CNTN3: variants seen among roughly 807,000 people sequenced by gnomAD.
CNTN3 encodes contactin 3, also known as contactin-3.
CNTN3 carries 60 observed loss-of-function variants against 119.1 expected under a neutral mutation model. The observed-to-expected ratio is 0.50, with a 90% CI of 0.41 to 0.62. The LOEUF (loss-of-function observed/expected upper bound fraction) is 0.62, where lower values mean the gene tolerates loss of function less well. Ranked by LOEUF, CNTN3 falls within the 20% of genes least tolerant of loss-of-function variation. The pLI is 0.00. For missense variants in CNTN3, 1,101 were observed against 1,242.4 expected (o/e 0.89, Z 1.71); for synonymous variants, 450 against 438.7 (o/e 1.03, Z -0.32).
At chr3:74,313,883 A>G (rs954216354) in intron 13 of CNTN3, among the ~76,000 whole-genome samples, 2 of 152,190 alleles carry the variant, frequency 1.3e-5, no homozygotes, top group African/African-American at 4.8e-5. Flanking sequence ...GGCTGCATTA[A>G]TGGGGATTAT....
chr3:74,295,979 A>G (rs763678080), intron 18 of CNTN3, among the ~76,000 whole-genome samples: 1 of 152,062 alleles, frequency 6.6e-6, no homozygotes, highest in East Asian at 1.9e-4. Flanking sequence ...TCTCCTGAGA[A>G]TTTGAAACTT....
chr3:74,401,259 A>AT (rs1334397639), intron 5 of CNTN3, among the ~76,000 whole-genome samples: 3 of 152,184 alleles, frequency 2.0e-5, no homozygotes, highest in Non-Finnish European at 2.9e-5. Context: ...ACAAGATGAG[A>AT]TTTTTTAACC....
chr3:74,393,488 C>T (rs1340284159), intron 5 of CNTN3, among the ~76,000 whole-genome samples: 2 of 152,166 alleles, frequency 1.3e-5, no homozygotes, highest in South Asian at 2.1e-4. Context: ...TGTGACCTTC[C>T]CTTTCTTGAT....
chr3:74,331,550 A>ACT (rs1388630031), intron 13 of CNTN3, among the ~76,000 whole-genome samples: 19 of 152,168 alleles, frequency 1.2e-4, no homozygotes, highest in African/African-American at 4.6e-4. Flanking sequence ...TACGTGACTC[A>ACT]CTCACCCATG....
chr3:74,368,928 GA>G (rs1464263425), intron 8 of CNTN3, among the ~76,000 whole-genome samples: 1 of 151,374 alleles, frequency 6.6e-6, no homozygotes, highest in Non-Finnish European at 1.5e-5. Context: ...TTATTCTTAG[GA>G]AAAAAATATG....
At chr3:74,445,365 C>A (rs962256312) in intron 4 of CNTN3, among the ~76,000 whole-genome samples, 11 of 151,978 alleles carry the variant, frequency 7.2e-5, no homozygotes, top group African/African-American at 2.7e-4. Flanking sequence ...CAGGATCAAC[C>A]AATTCTCCTG....
intron 1 of CNTN3, among the ~76,000 whole-genome samples, chr3:74,598,170 C>T (rs2106699287): frequency 6.6e-6 from 1 of 152,146 alleles, no homozygotes; most frequent in African/African-American, 2.4e-5. Flanking sequence ...GATGCTCTGC[C>T]AGTCCCAGAC....
intron 1 of CNTN3, among the ~76,000 whole-genome samples, chr3:74,525,029 A>G (rs2107127672): frequency 6.6e-6 from 1 of 151,934 alleles, no homozygotes; most frequent in Non-Finnish European, 1.5e-5. Flanking sequence ...TAGTCGCAGA[A>G]TAATACCCTT....
chr3:74,569,248 C>T (rs936609982), intron 1 of CNTN3, among the ~76,000 whole-genome samples: 1 of 152,154 alleles, frequency 6.6e-6, no homozygotes, highest in Non-Finnish European at 1.5e-5. Flanking sequence ...CCTTCACAAG[C>T]ATTAAACTGA....
chr3:74,313,179 G>C (rs1702738854), intron 13 of CNTN3, among the ~76,000 whole-genome samples: 5 of 151,672 alleles, frequency 3.3e-5, no homozygotes, highest in Admixed American at 2.6e-4. Flanking sequence ...AAGAACAATG[G>C]AACAACTACC....
At chr3:74,479,680 G>A (rs950519655) in intron 4 of CNTN3, among the ~76,000 whole-genome samples, 1 of 152,002 alleles carries the variant, frequency 6.6e-6, no homozygotes, top group East Asian at 1.9e-4. Context: ...GAATGTGGGT[G>A]TTGGGGGGTG....
chr3:74,284,899 G>A (rs11128382), intron 20 of CNTN3, among the ~76,000 whole-genome samples: 41,036 of 151,690 alleles, frequency 0.27, 6,153 homozygotes, highest in East Asian at 0.54. Context: ...GTATGATGGA[G>A]GAAAGAAAGA....
chr3:74,588,253 C>A (rs1040435596), intron 1 of CNTN3, among the ~76,000 whole-genome samples: 1 of 152,092 alleles, frequency 6.6e-6, no homozygotes, highest in Non-Finnish European at 1.5e-5. Context: ...GCAACTTCAG[C>A]AAACTCTCAG....
At chr3:74,348,030 G>A (rs956758184) in intron 11 of CNTN3, among the ~76,000 whole-genome samples, 2 of 152,216 alleles carry the variant, frequency 1.3e-5, no homozygotes, top group African/African-American at 4.8e-5. Flanking sequence ...TGGAGCTGGA[G>A]GATGGGGGAG....
At chr3:74,591,346 C>T (rs929022956) in intron 1 of CNTN3, among the ~76,000 whole-genome samples, 10 of 151,914 alleles carry the variant, frequency 6.6e-5, no homozygotes, top group African/African-American at 9.7e-5. Flanking sequence ...ATGTGGGAAG[C>T]CTTGAATGCC....
chr3:74,426,273 A>G (rs958163456), intron 4 of CNTN3, among the ~76,000 whole-genome samples: 1 of 152,206 alleles, frequency 6.6e-6, no homozygotes, highest in Non-Finnish European at 1.5e-5. Context: ...TTTCTGTATC[A>G]GAACAATTGT....
intron 14 of CNTN3, 138 bp downstream of exon 14, chr3:74,302,552 A>AT: frequency 1.6e-6 from 1 of 608,936 alleles, no homozygotes; most frequent in Non-Finnish European, 3.0e-6. Context: ...CTATTGTCAT[A>AT]TTCTGTGGTC....
At chr3:74,347,622 T>C (rs1422065599) in intron 11 of CNTN3, among the ~76,000 whole-genome samples, 1 of 152,244 alleles carries the variant, frequency 6.6e-6, no homozygotes, top group Non-Finnish European at 1.5e-5. Context: ...TTTCCACTTA[T>C]TTATATTTTT....
intron 1 of CNTN3, among the ~76,000 whole-genome samples, chr3:74,528,653 A>G (rs1703653829): frequency 6.6e-6 from 1 of 151,914 alleles, no homozygotes; most frequent in Non-Finnish European, 1.5e-5. Flanking sequence ...GTGTACTTAC[A>G]ACCTATTTTC....
Sources: allele counts gnomAD v4.1 joint callset (sites outside exome capture counted in the v4.1 genomes callset), GRCh38; gene constraint gnomAD v4.1.1; transcripts MANE v1.5; gene names NCBI Gene and HGNC (gene_info 2026-07-23, HGNC 2026-07-21).